Variants in PHF14 observed in about 807,000 individuals in gnomAD.
PHF14 encodes PHD finger protein 14.
A neutral mutation model predicts 117.9 loss-of-function variants in PHF14; 55 were observed. That is an observed-to-expected ratio of 0.47 (90% CI 0.38 to 0.58). PHF14 has a LOEUF of 0.58. Ranked by LOEUF, PHF14 falls within the 20% of genes least tolerant of loss-of-function variation. PHF14 has a pLI of 0.00. For missense variants in PHF14, 978 were observed against 1,122.2 expected (o/e 0.87, Z 1.84); for synonymous variants, 409 against 368.6 (o/e 1.11, Z -1.26).
At chr7:10,980,586 C>T (rs1297166445) in intron 2 of PHF14, among the ~76,000 whole-genome samples, 1 of 152,034 alleles carries the variant, frequency 6.6e-6, no homozygotes, top group East Asian at 1.9e-4. Flanking sequence ...AATATTGGGT[C>T]CACACTCTTG....
At chr7:11,090,223 A>G (rs1390453483) in intron 16 of PHF14, among the ~76,000 whole-genome samples, 7 of 152,244 alleles carry the variant, frequency 4.6e-5, no homozygotes, top group Admixed American at 4.6e-4. Flanking sequence ...TTCTTTAAGT[A>G]TATTCTCTAT....
intron 17 of PHF14, among the ~76,000 whole-genome samples, chr7:11,127,722 G>GTT (rs1787967594): frequency 6.6e-6 from 1 of 151,950 alleles, no homozygotes; most frequent in Admixed American, 6.6e-5. Context: ...CCTTTAATGA[G>GTT]TTACCATACC....
intron 16 of PHF14, among the ~76,000 whole-genome samples, chr7:11,096,513 G>A (rs1786872512): frequency 6.6e-6 from 1 of 152,086 alleles, no homozygotes; most frequent in Non-Finnish European, 1.5e-5. Flanking sequence ...AGGAGAAAGG[G>A]AACTGGATGC....
At chr7:10,985,009 T>G (rs1266148967) in intron 3 of PHF14, among the ~76,000 whole-genome samples, 1 of 152,144 alleles carries the variant, frequency 6.6e-6, no homozygotes, top group Non-Finnish European at 1.5e-5. Context: ...AAAGCTTGAG[T>G]CATTTTCCCC....
rs527899819 is a variant in PHF14, at chr7:11,149,829, A to G, written c.2773-19587A>G. 5.9e-5 allele frequency among the ~76,000 whole-genome samples: 9 copies of G among 152,040 alleles called. No individual in the cohort carries two copies. The East Asian group carries it at 1.7e-3, about 29-fold the overall frequency. On this transcript the variant is annotated intron_variant, in intron 17 of 17. Transcript: ENST00000634607. ...CAGTTGATTTTTTTTTATATTTCTA[A>G]GTATATAGCAGGTAAGGATAGTTTC...
At chr7:11,061,752 G>A in intron 14 of PHF14, 39 bp from the exon 15 acceptor site, 1 of 1,439,328 alleles carries the variant, frequency 6.9e-7, no homozygotes, top group South Asian at 1.4e-5. Context: ...GATATACTGT[G>A]GATTTTTGTT....
At chr7:11,070,147 C>T (rs1231420062) in intron 16 of PHF14, among the ~76,000 whole-genome samples, 1 of 152,120 alleles carries the variant, frequency 6.6e-6, no homozygotes, top group Non-Finnish European at 1.5e-5. Flanking sequence ...CTCATGATCA[C>T]AGCTCACTGC....
intron 16 of PHF14, among the ~76,000 whole-genome samples, chr7:11,091,150 G>C (rs923979958): frequency 6.6e-6 from 1 of 152,162 alleles, no homozygotes; most frequent in Non-Finnish European, 1.5e-5. Context: ...ACCAGTTTGA[G>C]GGCTGTGAAC....
chr7:10,988,522 A>C (rs1318464939), intron 3 of PHF14, among the ~76,000 whole-genome samples: 2 of 133,094 alleles, frequency 1.5e-5, no homozygotes, highest in African/African-American at 5.6e-5. Context: ...TTGCTAAATT[A>C]GTTTCTAGTC....
intron 16 of PHF14, chr7:11,105,790 A>C: frequency 8.1e-6 from 8 of 984,712 alleles, no homozygotes; most frequent in Non-Finnish European, 9.6e-6. Context: ...CAGGTACATA[A>C]GATGTAATGT....
intron 5 of PHF14, among the ~76,000 whole-genome samples, chr7:11,014,667 A>G (rs1270588045): frequency 6.6e-6 from 1 of 152,142 alleles, no homozygotes; most frequent in Admixed American, 6.6e-5. Flanking sequence ...ACCTCCTGCC[A>G]TTGAGTTTAT....
chr7:11,061,632 G>A (rs758964766), intron 14 of PHF14, 159 bp from the exon 15 acceptor site: 1 of 427,488 alleles, frequency 2.3e-6, no homozygotes. Context: ...TGGTAACAAA[G>A]TGCAGTAGTC....
At chr7:11,076,826 C>T (rs1205230006) in intron 16 of PHF14, among the ~76,000 whole-genome samples, 1 of 150,968 alleles carries the variant, frequency 6.6e-6, no homozygotes. Context: ...CCTTGGCCTC[C>T]CAAAGTGCTG....
At chr7:11,158,688 A>G (rs1788932826) in intron 17 of PHF14, among the ~76,000 whole-genome samples, 1 of 152,138 alleles carries the variant, frequency 6.6e-6, no homozygotes, top group South Asian at 2.1e-4. Flanking sequence ...ATGGGGATTT[A>G]AATAAGATAT....
At chr7:11,053,061 T>A (rs1164180429) in intron 14 of PHF14, among the ~76,000 whole-genome samples, 4 of 152,142 alleles carry the variant, frequency 2.6e-5, no homozygotes. Flanking sequence ...TTTTCAAAAA[T>A]CTTCCTTTCC....
chr7:11,020,004 G>A (rs1022960549), intron 5 of PHF14, among the ~76,000 whole-genome samples: 1 of 152,048 alleles, frequency 6.6e-6, no homozygotes, highest in African/African-American at 2.4e-5. Flanking sequence ...ATGAAATATG[G>A]CTTTGAACTA....
At chr7:11,000,366 G>GTCTTGCTC (rs1242989389) in intron 4 of PHF14, among the ~76,000 whole-genome samples, 1 of 111,822 alleles carries the variant, frequency 8.9e-6, no homozygotes, top group Non-Finnish European at 1.7e-5. Flanking sequence ...TTGAGATGGA[G>GTCTTGCTC]TCTTGCTCTG....
intron 11 of PHF14, among the ~76,000 whole-genome samples, chr7:11,039,578 C>CT (rs1784437000): frequency 6.6e-6 from 1 of 152,058 alleles, no homozygotes; most frequent in Non-Finnish European, 1.5e-5. Flanking sequence ...GTTTGTGGTC[C>CT]TTTCACTAAA....
chr7:11,105,160 GT>G, intron 16 of PHF14: 1 of 974,170 alleles, frequency 1.0e-6, no homozygotes. Context: ...TTAGGGTTAT[GT>G]TTTAACATGA....
Sources: allele counts gnomAD v4.1 joint callset (sites outside exome capture counted in the v4.1 genomes callset), GRCh38; gene constraint gnomAD v4.1.1; transcripts MANE v1.5; gene names NCBI Gene and HGNC (gene_info 2026-07-23, HGNC 2026-07-21).